Variants in XIRP2 observed in about 807,000 individuals in gnomAD.
XIRP2 encodes xin actin-binding repeat-containing protein 2.
Under a neutral mutation model 277.0 loss-of-function variants are expected in XIRP2, and 236 were observed. The observed-to-expected ratio is 0.85, with a 90% CI of 0.77 to 0.95. The LOEUF is 0.95. Among genes scored for constraint, XIRP2 ranks in the 40% least tolerant of loss-of-function variants. The pLI, the probability that XIRP2 is intolerant of heterozygous loss-of-function variation, is 0.00. For synonymous variants in XIRP2, 1,490 were observed against 1,416.5 expected (o/e 1.05, Z -1.17); for missense variants, 4,640 against 4,157.5 (o/e 1.12, Z -3.19).
rs547915397 is a variant in XIRP2, at chr2:166,897,823, G to A, written c.-18-5642G>A. Among the ~76,000 whole-genome samples, 50 of 152,214 alleles carry A rather than the reference G, an allele frequency of 3.3e-4. 1 individual carries two copies. In the South Asian group the frequency reaches 3.5e-3, roughly 11 times the overall value. ...GCAGATAATCAGCAGCTGGTGGCAA[G>A]GCCATGCAGTGGGGGTTGGAACACC... On this transcript the variant is annotated intron_variant, in intron 1 of 10. Transcript: ENST00000409195.
At chr2:167,076,560 A>C (rs902264248) in intron 2 of XIRP2, among the ~76,000 whole-genome samples, 5 of 152,214 alleles carry the variant, frequency 3.3e-5, no homozygotes, top group Admixed American at 6.5e-5. Context: ...ATTAAAGATG[A>C]AGGAGGTCCA....
chr2:166,987,141 T>C (rs1476577019), intron 2 of XIRP2, among the ~76,000 whole-genome samples: 2 of 152,130 alleles, frequency 1.3e-5, no homozygotes, highest in African/African-American at 2.4e-5. Flanking sequence ...ATACTGAGGA[T>C]TCAGAAGTTT....
At chr2:166,965,130 C>T (rs985721596) in intron 2 of XIRP2, among the ~76,000 whole-genome samples, 3 of 151,844 alleles carry the variant, frequency 2.0e-5, no homozygotes, top group African/African-American at 7.2e-5. Context: ...ATTCAGTGAA[C>T]AAATTAGTCA....
intron 4 of XIRP2, among the ~76,000 whole-genome samples, chr2:167,217,739 G>T (rs2105399735): frequency 6.6e-6 from 1 of 152,184 alleles, no homozygotes; most frequent in Admixed American, 6.5e-5. Context: ...GAGTAAAAAT[G>T]ATTTTAAAAT....
chr2:167,256,492 A>G (rs181211993), intron 10 of XIRP2, among the ~76,000 whole-genome samples: 211 of 151,508 alleles, frequency 1.4e-3, no homozygotes, highest in Middle Eastern at 6.8e-3. Context: ...CTGATTCATG[A>G]TGTTCTTTCA....
chr2:167,151,916 C>A (rs189115765), intron 3 of XIRP2, among the ~76,000 whole-genome samples: 3 of 152,126 alleles, frequency 2.0e-5, no homozygotes, highest in East Asian at 3.9e-4. Flanking sequence ...AGCTCTTGAG[C>A]CTGGCAAGAT....
intron 4 of XIRP2, among the ~76,000 whole-genome samples, chr2:167,214,157 GGAAAGAAAGAGAAA>G (rs1427200406): frequency 6.0e-4 from 54 of 90,706 alleles, no homozygotes; most frequent in Non-Finnish European, 7.6e-4. Context: ...AGAGAAAGAA[GGAAAGAAAGAGAAA>G]GAAGGAAGGA....
chr2:166,915,502 T>G (rs1474723976), intron 2 of XIRP2, among the ~76,000 whole-genome samples: 1 of 152,028 alleles, frequency 6.6e-6, no homozygotes, highest in Non-Finnish European at 1.5e-5. Context: ...TTAAGTTAAT[T>G]TGGAACAGAA....
At chr2:166,970,864 C>T (rs1686559366) in intron 2 of XIRP2, among the ~76,000 whole-genome samples, 1 of 151,504 alleles carries the variant, frequency 6.6e-6, no homozygotes, top group African/African-American at 2.4e-5. Flanking sequence ...ATTAAAAGGT[C>T]TTAATAATGA....
At chr2:167,182,695 TG>T (rs1693051238) in intron 3 of XIRP2, among the ~76,000 whole-genome samples, 1 of 152,166 alleles carries the variant, frequency 6.6e-6, no homozygotes, top group Admixed American at 6.6e-5. Flanking sequence ...TTCTATAAAA[TG>T]GTGAAAACAC....
At chr2:167,056,952 T>C (rs1020590485) in intron 2 of XIRP2, among the ~76,000 whole-genome samples, 1 of 152,152 alleles carries the variant, frequency 6.6e-6, no homozygotes, top group Non-Finnish European at 1.5e-5. Flanking sequence ...ATTGATGACA[T>C]TGAAAACTTG....
At chr2:167,251,982 C>G (rs754529699) in intron 9 of XIRP2, 35 bp downstream of exon 9, 89 of 1,517,834 alleles carry the variant, frequency 5.9e-5, no homozygotes, top group Non-Finnish European at 7.6e-5. Flanking sequence ...AGAAGATTAA[C>G]CATTTAAAGG....
At chr2:166,906,131 A>G (rs1157355105) in intron 2 of XIRP2, among the ~76,000 whole-genome samples, 1 of 152,052 alleles carries the variant, frequency 6.6e-6, no homozygotes, top group East Asian at 1.9e-4. Context: ...TTAAACTTAA[A>G]GCAAGGACAG....
chr2:167,232,126 T>C (rs978888496), intron 5 of XIRP2, among the ~76,000 whole-genome samples: 2 of 152,010 alleles, frequency 1.3e-5, no homozygotes, highest in Non-Finnish European at 2.9e-5. Flanking sequence ...AAAGATAAAT[T>C]ATCTACAAAT....
Position 167,242,598 on chromosome 2 carries a change from G to T in XIRP2, c.1206G>T (p.Lys402Asn). Residue 402 changes from lysine (K) to asparagine (N), a missense_variant, in exon 9 of 11, where the codon AAG becomes AAT. Physicochemically the swap from Lys to Asn is moderately conservative, Grantham distance 94. Coordinates refer to ENST00000409195, the MANE Select transcript of XIRP2 (RefSeq NM_152381.6). ...KTESEYEETF[K>N]PSSVVSTSST... ...AAAGTGAATATGAAGAGACTTTCAA[G>T]CCATCATCAGTTGTGAGTACCTCTT... is the stretch of plus-strand genomic sequence containing the variant. 6.2e-7 allele frequency: 1 copy of T among 1,613,212 alleles called. No individual in the cohort carries two copies. Among genetic ancestry groups the T allele is most frequent in the Non-Finnish European group, 8.5e-7 (1 of 1,179,564 alleles).
intron 2 of XIRP2, among the ~76,000 whole-genome samples, chr2:167,037,855 A>G (rs936575784): frequency 1.5e-4 from 23 of 152,206 alleles, no homozygotes; most frequent in Middle Eastern, 3.4e-3. Context: ...CAATTATACT[A>G]AAATATTAGG....
intron 2 of XIRP2, among the ~76,000 whole-genome samples, chr2:166,981,182 C>T (rs1183374156): frequency 1.3e-5 from 2 of 152,090 alleles, no homozygotes; most frequent in Admixed American, 6.6e-5. Context: ...GGGGGTCTTA[C>T]AACAATAGAC....
At chr2:166,971,778 A>T (rs1382287358) in intron 2 of XIRP2, among the ~76,000 whole-genome samples, 6 of 152,140 alleles carry the variant, frequency 3.9e-5, no homozygotes, top group Admixed American at 3.3e-4. Flanking sequence ...ATTTTTAATT[A>T]TTCATATCTG....
At chr2:167,086,131 T>A (rs1333077306) in intron 2 of XIRP2, among the ~76,000 whole-genome samples, 18 of 152,116 alleles carry the variant, frequency 1.2e-4, no homozygotes, top group East Asian at 1.9e-4. Context: ...CTTTTAGGGC[T>A]GGCCTGGTGG....
Sources: gnomAD v4.1 joint callset for allele counts (sites outside exome capture counted in the v4.1 genomes callset) on GRCh38, gnomAD v4.1.1 for gene constraint, MANE v1.5 for transcripts, NCBI Gene and HGNC (gene_info 2026-07-23, HGNC 2026-07-21) for gene names.